The following CLEC9A variants were observed in gnomAD, a reference collection of about 807,000 sequenced individuals.
CLEC9A encodes the protein C-type lectin domain containing 9A, also known as C-type lectin domain family 9 member A.
Under a neutral mutation model 30.0 loss-of-function variants are expected in CLEC9A, and 24 were observed. That is an observed-to-expected ratio of 0.80 (90% CI 0.58 to 1.13). The LOEUF is 1.13. Among genes scored for constraint, CLEC9A ranks in the 50% most tolerant of loss-of-function variants. The probability of loss-of-function intolerance (pLI) is 0.00; values close to 1 mark genes in which losing one functional copy is unlikely to be tolerated. For missense variants in CLEC9A, 251 were observed against 280.9 expected, an observed-to-expected ratio of 0.89 and a Z score of 0.76; for synonymous variants, 111 against 96.8, an observed-to-expected ratio of 1.15 and a Z score of -0.86.
chr12:10,054,319 T>A lies in CLEC9A; in HGVS notation c.140T>A (p.Leu47Ter). The A allele has an allele frequency of 6.2e-7, 1 of 1,613,194 alleles. No homozygotes were observed. The highest frequency in any genetic ancestry group is 8.5e-7 in the Non-Finnish European group (1 of 1,179,400). ...MVISCVFCMGLLTASIFLGVK... is the reference protein window; with the variant it reads ...MVISCVFCMG The stretch of plus-strand genomic sequence containing the variant: ...ATTTCATGTGTTTTCTGCATGGGAT[T>A]ATTAACAGCATCCATTTTCTTGGGC... The change falls in exon 5 of 9, where the codon TTA becomes TAA. Residue 47 changes from leucine (L) to a stop codon, truncating the protein, a stop_gained. Transcript: ENST00000355819. LOFTEE classifies it high-confidence loss of function.
In CLEC9A at chr12:10,041,771, C is replaced by A. The variant is rs548038647; in HGVS notation, c.-163+151C>A. On this transcript the variant is annotated intron_variant, in intron 2 of 8. Coordinates refer to ENST00000355819, the MANE Select transcript of CLEC9A (RefSeq NM_207345.4). ...ATGAAACCTAGTAAGAATTACAGAA[C>A]CCAAATATTCAATCCAGTCATAATA... 5.3e-5 allele frequency among the ~76,000 whole-genome samples: 8 copies of A among 152,256 alleles called. No individual in the cohort carries two copies. In the South Asian group the frequency reaches 1.7e-3, roughly 32 times the overall value.
chr12:10,050,295 G>C (rs763083699), intron 2 of CLEC9A, among the ~76,000 whole-genome samples: 49 of 152,306 alleles, frequency 3.2e-4, no homozygotes, highest in Middle Eastern at 3.4e-3. Context: ...ACCAATATGT[G>C]ACACAGAGGC....
At chr12:10,051,182 G>C (rs1188441578) in intron 2 of CLEC9A, among the ~76,000 whole-genome samples, 1 of 151,520 alleles carries the variant, frequency 6.6e-6, no homozygotes, top group Non-Finnish European at 1.5e-5. Flanking sequence ...TCCAGCCTGG[G>C]CGACAAGAGT....
In CLEC9A at chr12:10,061,171, A is replaced by G. The variant is rs1273415612; in HGVS notation, c.217A>G (p.Ile73Val). 6.2e-7 allele frequency: 1 copy of G among 1,613,170 alleles called. No homozygotes were observed. Among genetic ancestry groups the G allele is most frequent in the Non-Finnish European group, 8.5e-7 (1 of 1,179,690 alleles). ...TGCGATGCAGCAGCAAGAAAAACTC[A>G]TCCAACAAGAGAGGGCACTGCTAAA... is the stretch of plus-strand genomic sequence containing the variant. ...TIAMQQQEKL[I>V]QQERALLNFT... Residue 73 changes from isoleucine (I) to valine (V), a missense_variant, in exon 6 of 9, where the codon ATC (isoleucine) becomes GTC (valine). By Grantham distance (29) the Ile-to-Val change is conservative. Transcript: ENST00000355819.
At position 10,046,418 on chromosome 12, in the gene CLEC9A, T is replaced by C. The variant is rs1865846629; in HGVS notation, c.-163+4798T>C. The stretch of plus-strand genomic sequence containing the variant: ...AGGAAAAGAAAGTTTGTAACAAAGC[T>C]CATGGGGTTTGTAAAATGAATAAAT... On this transcript the variant is annotated intron_variant, in intron 2 of 8. Transcript: ENST00000355819. Among the ~76,000 whole-genome samples the C allele has an allele frequency of 2.0e-5, 3 of 152,306 alleles. No homozygotes were observed. In the South Asian group the frequency reaches 6.2e-4, roughly 32 times the overall value.
chr12:10,052,482 C>T, intron 3 of CLEC9A, 148 bp from the exon 4 acceptor site: 1 of 1,243,116 alleles, frequency 8.0e-7, no homozygotes, highest in Non-Finnish European at 1.0e-6. Flanking sequence ...CCTTTTTCAC[C>T]AAGTTGTGTT....
intron 4 of CLEC9A, among the ~76,000 whole-genome samples, chr12:10,053,076 A>G (rs1865910070): frequency 1.3e-5 from 2 of 152,226 alleles, no homozygotes; most frequent in Admixed American, 6.5e-5. Flanking sequence ...TTGAACTCCT[A>G]CTAAAACATT....
At chr12:10,051,748 G>A (rs906529011) in intron 2 of CLEC9A, among the ~76,000 whole-genome samples, 8 of 152,200 alleles carry the variant, frequency 5.3e-5, no homozygotes, top group African/African-American at 1.9e-4. Flanking sequence ...GATGATTAAA[G>A]TCTCAAATTT....
intron 1 of CLEC9A, among the ~76,000 whole-genome samples, chr12:10,040,015 G>C (rs751323936): frequency 6.6e-6 from 1 of 152,112 alleles, no homozygotes; most frequent in Non-Finnish European, 1.5e-5. Flanking sequence ...TAGAGACAAA[G>C]TTTCGCCACG....
intron 7 of CLEC9A, among the ~76,000 whole-genome samples, chr12:10,063,456 AAAG>A (rs113211424): frequency 9.7e-4 from 148 of 152,308 alleles, no homozygotes; most frequent in African/African-American, 3.2e-3. Flanking sequence ...GGTTAATTAA[AAAG>A]AGGAGGGAAT....
At chr12:10,039,093 C>T (rs1300082082) in intron 1 of CLEC9A, among the ~76,000 whole-genome samples, 1 of 152,194 alleles carries the variant, frequency 6.6e-6, no homozygotes, top group East Asian at 1.9e-4. Flanking sequence ...ACTGCCTGCT[C>T]CTTGATGTCT....
intron 1 of CLEC9A, among the ~76,000 whole-genome samples, chr12:10,038,260 C>A (rs2137297002): frequency 6.6e-6 from 1 of 151,954 alleles, no homozygotes; most frequent in South Asian, 2.1e-4. Flanking sequence ...TTTTTGTTTC[C>A]AAAATCAGGT....
intron 2 of CLEC9A, among the ~76,000 whole-genome samples, chr12:10,044,442 C>G (rs1045688181): frequency 6.6e-6 from 1 of 152,198 alleles, no homozygotes; most frequent in Non-Finnish European, 1.5e-5. Context: ...GGCTTTATCT[C>G]CTATTACTTG....
intron 1 of CLEC9A, among the ~76,000 whole-genome samples, chr12:10,039,146 G>A (rs2137297707): frequency 1.3e-5 from 2 of 152,320 alleles, no homozygotes; most frequent in South Asian, 4.1e-4. Context: ...CCTCCTGGTG[G>A]TGTGTGATGG....
chr12:10,049,544 A>G (rs1283175416), intron 2 of CLEC9A, among the ~76,000 whole-genome samples: 1 of 152,230 alleles, frequency 6.6e-6, no homozygotes, highest in African/African-American at 2.4e-5. Flanking sequence ...AACATTCTCC[A>G]GTTTCTAAAT....
At chr12:10,054,047 T>G (rs769784065) in intron 4 of CLEC9A, among the ~76,000 whole-genome samples, 4 of 152,220 alleles carry the variant, frequency 2.6e-5, no homozygotes, top group Non-Finnish European at 5.9e-5. Context: ...TCTACTTAAT[T>G]TGGCAGTATC....
At chr12:10,056,378 CA>C (rs952939267) in intron 5 of CLEC9A, among the ~76,000 whole-genome samples, 16 of 151,898 alleles carry the variant, frequency 1.1e-4, no homozygotes, top group Non-Finnish European at 2.2e-4. Flanking sequence ...TACCTTGAAG[CA>C]AGAACAACAA....
intron 3 of CLEC9A, 143 bp from the exon 4 acceptor site, chr12:10,052,487 T>C (rs1280899773): frequency 1.8e-5 from 22 of 1,253,060 alleles, no homozygotes; most frequent in Middle Eastern, 2.3e-4. Context: ...TTCACCAAGT[T>C]GTGTTTTGGC....
intron 5 of CLEC9A, among the ~76,000 whole-genome samples, chr12:10,056,343 A>G (rs1386174959): frequency 6.6e-6 from 1 of 152,146 alleles, no homozygotes; most frequent in Admixed American, 6.5e-5. Context: ...TTAATAAATA[A>G]TGGTACATCA....
Sources: gnomAD v4.1 joint callset for allele counts (sites outside exome capture counted in the v4.1 genomes callset) on GRCh38, gnomAD v4.1.1 for gene constraint, MANE v1.5 for transcripts, NCBI Gene and HGNC (gene_info 2026-07-23, HGNC 2026-07-21) for gene names.